The following PCNX1 variants were observed in gnomAD, a reference collection of about 807,000 sequenced individuals.
The protein encoded by PCNX1 is pecanex-like protein 1.
A neutral mutation model predicts 242.2 loss-of-function variants in PCNX1; 78 were observed. The observed-to-expected ratio is 0.32, with a 90% CI of 0.27 to 0.39. The LOEUF is 0.39. Among genes scored for constraint, PCNX1 ranks in the 10% least tolerant of loss-of-function variants. PCNX1 has a pLI of 1.00. For synonymous variants in PCNX1, 1,024 were observed against 1,032.9 expected, an observed-to-expected ratio of 0.99 and a Z score of 0.17; for missense variants, 2,581 against 2,856.5, an observed-to-expected ratio of 0.90 and a Z score of 2.20.
rs1401639349 is a variant in PCNX1, at chr14:71,054,256, T to C, written c.4578-1248T>C. ...CATCAAAATTCACTCATCTGTCTTA[T>C]ATCCTGAATGGATCTTTTACCCATG... On this transcript the variant is annotated intron_variant, in intron 24 of 35. Coordinates refer to ENST00000304743, the MANE Select transcript of PCNX1 (RefSeq NM_014982.3). Among the ~76,000 whole-genome samples the C allele has an allele frequency of 2.6e-5, 4 of 152,248 alleles. No individual in the cohort carries two copies. In the East Asian group the frequency reaches 7.7e-4, roughly 29 times the overall value.
intron 2 of PCNX1, among the ~76,000 whole-genome samples, chr14:70,949,990 C>G (rs1280003829): frequency 6.6e-6 from 1 of 152,164 alleles, no homozygotes; most frequent in Non-Finnish European, 1.5e-5. Flanking sequence ...TGAAATATTT[C>G]AGACATCAAG....
intron 5 of PCNX1, chr14:70,970,033 T>C (rs1246133555): frequency 6.6e-6 from 1 of 151,724 alleles, no homozygotes; most frequent in Non-Finnish European, 1.5e-5. Context: ...TGTATGTATG[T>C]ACTATGTGGT....
At chr14:70,968,833 G>C (rs1035563129) in intron 4 of PCNX1, among the ~76,000 whole-genome samples, 188 bp from the exon 5 acceptor site, 1 of 152,128 alleles carries the variant, frequency 6.6e-6, no homozygotes, top group African/African-American at 2.4e-5. Context: ...GAATAATTAA[G>C]TGCTCTGATA....
chr14:70,914,848 A>G (rs1266406715), intron 1 of PCNX1, among the ~76,000 whole-genome samples: 1 of 152,182 alleles, frequency 6.6e-6, no homozygotes. Context: ...CCATTCGATG[A>G]GTTTTGATAA....
At chr14:71,057,416 C>A in intron 25 of PCNX1, 93 bp from the exon 26 acceptor site, 4 of 750,248 alleles carry the variant, frequency 5.3e-6, no homozygotes, top group East Asian at 2.5e-5. Context: ...ATAAATATAA[C>A]CCCATACTAG....
chr14:71,046,928 G>T (rs756966349), intron 20 of PCNX1, 36 bp from the exon 21 acceptor site: 5 of 1,540,852 alleles, frequency 3.2e-6, no homozygotes, highest in Non-Finnish European at 4.4e-6. Context: ...CTATACATTT[G>T]ATGACATGTA....
In PCNX1 at chr14:71,023,259, A is replaced by G. The variant is rs568522846; in HGVS notation, c.3183+27A>G. On this transcript the variant is annotated intron_variant, in intron 13 of 35. Coordinates refer to ENST00000304743, the MANE Select transcript of PCNX1 (RefSeq NM_014982.3). ...TAAGTCACTCTTAATATGGCTGTAC[A>G]TTATAGGTCCTTAACATTTATCATA... The G allele has an allele frequency of 6.6e-6, 10 of 1,505,440 alleles. No individual in the cohort carries two copies. The Admixed American group carries it at 1.0e-4, about 15-fold the overall frequency. 93.3% of individuals were successfully genotyped at this position (1,505,440 alleles called of 1,614,324 possible).
intron 28 of PCNX1, among the ~76,000 whole-genome samples, chr14:71,083,521 C>G (rs1469226456): frequency 1.3e-5 from 2 of 152,140 alleles, no homozygotes; most frequent in African/African-American, 4.8e-5. Context: ...CACATAGTCC[C>G]ATATTTCTTG....
At chr14:70,990,751 C>T (rs2140276696) in intron 7 of PCNX1, among the ~76,000 whole-genome samples, 1 of 152,218 alleles carries the variant, frequency 6.6e-6, no homozygotes, top group East Asian at 1.9e-4. Context: ...TTTTGTGAGC[C>T]TTCCTGTTCT....
intron 26 of PCNX1, among the ~76,000 whole-genome samples, chr14:71,059,910 C>T (rs1481846958): frequency 1.3e-5 from 2 of 152,148 alleles, no homozygotes; most frequent in African/African-American, 4.8e-5. Context: ...GTGCTAAATT[C>T]TTTACTAAGG....
chr14:70,998,750 C>CAAAAAAAAAA (rs34044438), intron 8 of PCNX1, among the ~76,000 whole-genome samples: 2 of 89,082 alleles, frequency 2.2e-5, no homozygotes, highest in Non-Finnish European at 4.6e-5. Context: ...GACCCTATCT[C>CAAAAAAAAAA]AAAAAAAAAA....
intron 19 of PCNX1, among the ~76,000 whole-genome samples, chr14:71,041,292 A>C (rs2060696584): frequency 6.6e-6 from 1 of 152,186 alleles, no homozygotes; most frequent in Non-Finnish European, 1.5e-5. Flanking sequence ...TATTCCCAGC[A>C]ACAGTGGAGG....
At chr14:71,001,741 A>G (rs1294000413) in intron 8 of PCNX1, among the ~76,000 whole-genome samples, 1 of 152,208 alleles carries the variant, frequency 6.6e-6, no homozygotes. Flanking sequence ...TCTTTAAAGG[A>G]GAGACCCTTC....
At chr14:71,040,981 T>C (rs2060686887) in intron 19 of PCNX1, among the ~76,000 whole-genome samples, 1 of 152,138 alleles carries the variant, frequency 6.6e-6, no homozygotes, top group African/African-American at 2.4e-5. Context: ...GTTCCATCCA[T>C]GGTATAGCAA....
chr14:71,079,444 A>G (rs2061797126), intron 28 of PCNX1, among the ~76,000 whole-genome samples: 1 of 152,202 alleles, frequency 6.6e-6, no homozygotes, highest in African/African-American at 2.4e-5. Context: ...TGGTTGAACT[A>G]ATTTACACTC....
At chr14:70,997,532 A>G (rs1306309545) in intron 8 of PCNX1, among the ~76,000 whole-genome samples, 4 of 152,158 alleles carry the variant, frequency 2.6e-5, no homozygotes, top group Admixed American at 6.5e-5. Flanking sequence ...TCCAGTTCTG[A>G]AGATTGAAAA....
intron 28 of PCNX1, among the ~76,000 whole-genome samples, chr14:71,078,109 A>G (rs2061762572): frequency 6.6e-6 from 1 of 152,156 alleles, no homozygotes; most frequent in Non-Finnish European, 1.5e-5. Flanking sequence ...CAGGTAGCTT[A>G]TTTCACTAAT....
chr14:71,054,623 C>T (rs12896370), intron 24 of PCNX1, among the ~76,000 whole-genome samples: 54,344 of 151,872 alleles, frequency 0.36, 10,000 homozygotes, highest in East Asian at 0.62. Context: ...ATTTTTCCAT[C>T]AGTGTTAAGT....
intron 1 of PCNX1, among the ~76,000 whole-genome samples, chr14:70,932,811 C>T (rs1446423583): frequency 6.6e-6 from 1 of 151,824 alleles, no homozygotes; most frequent in East Asian, 1.9e-4. Context: ...GGGGTTTCAC[C>T]ATGTTGGTCA....
Sources: gnomAD v4.1 joint callset for allele counts (sites outside exome capture counted in the v4.1 genomes callset) on GRCh38, gnomAD v4.1.1 for gene constraint, MANE v1.5 for transcripts, NCBI Gene and HGNC (gene_info 2026-07-23, HGNC 2026-07-21) for gene names.